The following TBC1D22A variants were observed in gnomAD, a reference collection of about 807,000 sequenced individuals.
TBC1D22A encodes putative GTPase activator.
Under a neutral mutation model 60.2 loss-of-function variants are expected in TBC1D22A, and 38 were observed. The observed-to-expected ratio is 0.63, with a 90% CI of 0.49 to 0.83. The LOEUF (loss-of-function observed/expected upper bound fraction) is 0.83, where lower values mean the gene tolerates loss of function less well. Ranked by LOEUF, TBC1D22A falls within the 40% of genes least tolerant of loss-of-function variation. TBC1D22A has a pLI of 0.00. For missense variants in TBC1D22A, 628 were observed against 701.0 expected (o/e 0.90, Z 1.18); for synonymous variants, 302 against 281.7 (o/e 1.07, Z -0.72).
At chr22:47,066,920 A>T (rs953896273) in intron 11 of TBC1D22A, among the ~76,000 whole-genome samples, 1 of 152,108 alleles carries the variant, frequency 6.6e-6, no homozygotes, top group Non-Finnish European at 1.5e-5. Flanking sequence ...GACTCCCCAC[A>T]GACTCTGTTG....
chr22:46,793,092 T>C (rs2084492306), intron 2 of TBC1D22A, among the ~76,000 whole-genome samples: 1 of 152,266 alleles, frequency 6.6e-6, no homozygotes, highest in Non-Finnish European at 1.5e-5. Context: ...GAATCTTGTT[T>C]AAATGATCAT....
intron 11 of TBC1D22A, among the ~76,000 whole-genome samples, chr22:47,065,634 G>T: frequency 1.3e-5 from 2 of 152,270 alleles, no homozygotes; most frequent in Non-Finnish European, 2.9e-5. Context: ...GCAGGCCTCG[G>T]AGTTGGGACT....
At chr22:46,792,186 T>G (rs801599) in intron 1 of TBC1D22A, among the ~76,000 whole-genome samples, 24,507 of 152,330 alleles carry the variant, frequency 0.16, 2,787 homozygotes, top group African/African-American at 0.32. Flanking sequence ...GGCAGAGGCC[T>G]CAGTTCCTTC....
intron 4 of TBC1D22A, among the ~76,000 whole-genome samples, chr22:46,799,882 C>T (rs1227896821): frequency 1.3e-5 from 2 of 152,206 alleles, no homozygotes; most frequent in Admixed American, 1.3e-4. Context: ...ATGTGGACTC[C>T]GATCACTTGG....
intron 5 of TBC1D22A, among the ~76,000 whole-genome samples, chr22:46,885,675 G>A (rs1002139827): frequency 1.3e-5 from 2 of 152,130 alleles, no homozygotes; most frequent in Non-Finnish European, 1.5e-5. Context: ...CTCAGGTCTG[G>A]CTGTCACTGC....
chr22:46,943,165 G>A (rs1438939364), intron 8 of TBC1D22A, among the ~76,000 whole-genome samples: 2 of 152,092 alleles, frequency 1.3e-5, no homozygotes, highest in African/African-American at 2.4e-5. Context: ...AATGTCCTCC[G>A]AAGGGAGCTG....
intron 11 of TBC1D22A, among the ~76,000 whole-genome samples, chr22:47,107,265 A>G (rs1289629428): frequency 6.6e-6 from 1 of 152,244 alleles, no homozygotes; most frequent in Non-Finnish European, 1.5e-5. Flanking sequence ...TAGAAAAAGT[A>G]GAACAGTTGG....
chr22:47,069,236 CA>C (rs1356084096), intron 11 of TBC1D22A, among the ~76,000 whole-genome samples: 1 of 152,220 alleles, frequency 6.6e-6, no homozygotes, highest in African/African-American at 2.4e-5. Flanking sequence ...ACACGTAGAC[CA>C]AACTGAAAAA....
intron 12 of TBC1D22A, among the ~76,000 whole-genome samples, chr22:47,121,501 A>G (rs1376998548): frequency 6.6e-6 from 1 of 152,220 alleles, no homozygotes; most frequent in East Asian, 1.9e-4. Context: ...ATTTACTGAA[A>G]CGAGCAAATG....
rs1439899733 is a variant in TBC1D22A at position 46,912,118 on chromosome 22, C to T, written c.945C>T (p.Ala315=). The T allele has an allele frequency of 1.2e-6, 2 of 1,614,048 alleles. No homozygotes were observed. The highest frequency in any genetic ancestry group is 1.3e-5 in the African/African-American group (1 of 75,048). ...ILFIWAIRHP[A]SGYVQGINDL... is the part of the protein sequence containing the mutation. ...TCATATGGGCGATCCGCCACCCAGC[C>T]AGTGGATACGTTCAGGGTATAAATG... The change falls in exon 8 of 13, where the codon GCC becomes GCT. Residue 315 remains alanine (A), a synonymous_variant. Coordinates refer to ENST00000337137, the MANE Select transcript of TBC1D22A (RefSeq NM_014346.5).
At chr22:47,032,284 CAT>C (rs1406290940) in intron 10 of TBC1D22A, among the ~76,000 whole-genome samples, 1 of 152,242 alleles carries the variant, frequency 6.6e-6, no homozygotes, top group African/African-American at 2.4e-5. Flanking sequence ...GCACACATCA[CAT>C]GTGTGGTGGG....
At chr22:47,085,670 G>A (rs1262832453) in intron 11 of TBC1D22A, among the ~76,000 whole-genome samples, 12 of 152,088 alleles carry the variant, frequency 7.9e-5, no homozygotes, top group South Asian at 2.1e-4. Context: ...GTCAGAAGTC[G>A]TCAAGATAAG....
intron 10 of TBC1D22A, among the ~76,000 whole-genome samples, chr22:47,029,492 C>T (rs2062386617): frequency 6.6e-6 from 1 of 152,206 alleles, no homozygotes; most frequent in Non-Finnish European, 1.5e-5. Context: ...GCCCAACCTC[C>T]CTCCTCTTCC....
chr22:46,912,748 G>A (rs2070041293), intron 8 of TBC1D22A, among the ~76,000 whole-genome samples: 2 of 152,188 alleles, frequency 1.3e-5, no homozygotes, highest in Admixed American at 1.3e-4. Context: ...GTAGAGACGG[G>A]CTTTCACCAT....
Position 46,817,260 on chromosome 22 carries a change from C to CTT in TBC1D22A, c.637+19650_637+19651dup, listed in dbSNP as rs139583. Among the ~76,000 whole-genome samples the CTT allele has an allele frequency of 3.4e-3, 509 of 148,370 alleles. 1 individual carries two copies. The highest frequency in any genetic ancestry group is 0.011 in the African/African-American group (438 of 40,494). On this transcript the variant is annotated intron_variant, in intron 4 of 12. Transcript: ENST00000337137. The stretch of plus-strand genomic sequence containing the variant: ...AAGTATATGAGGATACTAGGTTGTC[C>CTT]TTTTTTTTTTTCTTTATTCCTTCTA...
chr22:46,825,137 G>A (rs186611832), intron 4 of TBC1D22A, among the ~76,000 whole-genome samples: 39 of 152,262 alleles, frequency 2.6e-4, no homozygotes, highest in South Asian at 1.7e-3. Context: ...TGCAGCAGGC[G>A]TCAGTGGAGT....
At chr22:47,147,461 G>A (rs1362090201) in intron 12 of TBC1D22A, among the ~76,000 whole-genome samples, 1 of 152,150 alleles carries the variant, frequency 6.6e-6, no homozygotes, top group Non-Finnish European at 1.5e-5. Context: ...GTCTGTCGGA[G>A]GGCTCCCCAG....
chr22:46,778,519 G>A (rs530854921), intron 1 of TBC1D22A, among the ~76,000 whole-genome samples: 26 of 151,756 alleles, frequency 1.7e-4, no homozygotes, highest in Admixed American at 6.6e-4. Context: ...AGCCTAGGCC[G>A]ACACAGGGTC....
intron 10 of TBC1D22A, among the ~76,000 whole-genome samples, chr22:47,018,728 G>A (rs969821932): frequency 2.6e-5 from 4 of 152,096 alleles, no homozygotes; most frequent in East Asian, 3.9e-4. Context: ...CCTGCTCACC[G>A]GTCGTCATCG....
Sources: gnomAD v4.1 joint callset for allele counts (sites outside exome capture counted in the v4.1 genomes callset) on GRCh38, gnomAD v4.1.1 for gene constraint, MANE v1.5 for transcripts, NCBI Gene and HGNC (gene_info 2026-07-23, HGNC 2026-07-21) for gene names.